The following SUFU variants were observed in gnomAD, a reference collection of about 807,000 sequenced individuals.
SUFU encodes the protein suppressor of fused homolog.
Under a neutral mutation model 58.9 loss-of-function variants are expected in SUFU, and 7 were observed. That is an observed-to-expected ratio of 0.12 (90% CI 0.07 to 0.22). The LOEUF is 0.22. SUFU is among the 10% of genes least tolerant of loss of function. The pLI is 1.00. For synonymous variants in SUFU, 232 were observed against 254.8 expected (o/e 0.91, Z 0.85); for missense variants, 451 against 641.3 (o/e 0.70, Z 3.20).
intron 3 of SUFU, among the ~76,000 whole-genome samples, chr10:102,563,123 C>A (rs1190381098): frequency 6.6e-6 from 1 of 152,078 alleles, no homozygotes; most frequent in Non-Finnish European, 1.5e-5. Context: ...AGCCTCTCAG[C>A]CGCCAAGGGT....
Position 102,543,735 on chromosome 10 carries a change from T to C in SUFU, c.318-6235T>C, listed in dbSNP as rs190540429. Among the ~76,000 whole-genome samples the C allele has an allele frequency of 4.7e-3, 712 of 152,356 alleles. 3 individuals carry two copies. The highest frequency in any genetic ancestry group is 6.1e-3 in the Non-Finnish European group (418 of 68,036). Reference sequence around the variant, plus strand: ...AATATAAATAAAATCATACAACATATGGTCTTTTGTGACTGGCTTTCTTCA... The same window carrying C: ...AATATAAATAAAATCATACAACATACGGTCTTTTGTGACTGGCTTTCTTCA... On this transcript the variant is annotated intron_variant, in intron 2 of 11. Coordinates refer to ENST00000369902, the MANE Select transcript of SUFU (RefSeq NM_016169.4).
At chr10:102,537,129 CTTTTTTTTT>C (rs74317451) in intron 2 of SUFU, among the ~76,000 whole-genome samples, 1 of 119,380 alleles carries the variant, frequency 8.4e-6, no homozygotes, top group African/African-American at 3.1e-5. Flanking sequence ...TTAAATTTAC[CTTTTTTTTT>C]TTTTTTTTTT....
chr10:102,596,457 AG>A (rs1378828069), intron 6 of SUFU, among the ~76,000 whole-genome samples: 1 of 152,172 alleles, frequency 6.6e-6, no homozygotes, highest in African/African-American at 2.4e-5. Flanking sequence ...GCACAAAGGC[AG>A]GGTCTCGATG....
chr10:102,596,085 C>T (rs1001401397), intron 6 of SUFU, among the ~76,000 whole-genome samples: 2 of 152,144 alleles, frequency 1.3e-5, no homozygotes, highest in African/African-American at 2.4e-5. Context: ...ACAGCTTTGC[C>T]CAGGCCAGCA....
chr10:102,530,418 T>G (rs2062663988), intron 2 of SUFU, among the ~76,000 whole-genome samples: 1 of 151,084 alleles, frequency 6.6e-6, no homozygotes. Flanking sequence ...GCATTTAGTT[T>G]CTCTTTACCT....
intron 2 of SUFU, among the ~76,000 whole-genome samples, chr10:102,541,875 AT>A (rs58231037): frequency 0.047 from 4,103 of 86,472 alleles, 154 homozygotes; most frequent in African/African-American, 0.14. Flanking sequence ...TGCCCGGCTA[AT>A]TTTTTTTTTT....
chr10:102,592,473 C>G, intron 3 of SUFU, 109 bp from the exon 4 acceptor site: 1 of 1,289,480 alleles, frequency 7.8e-7, no homozygotes, highest in East Asian at 2.3e-5. Context: ...ACAGGGGCTA[C>G]CCTAAGAGGC....
intron 1 of SUFU, among the ~76,000 whole-genome samples, chr10:102,506,249 G>A (rs1435937970): frequency 2.0e-5 from 3 of 152,044 alleles, no homozygotes; most frequent in African/African-American, 7.2e-5. Flanking sequence ...CCTTCCTGCT[G>A]CAAGCTTGTT....
chr10:102,511,886 A>G (rs2062404538), intron 2 of SUFU, among the ~76,000 whole-genome samples: 1 of 151,958 alleles, frequency 6.6e-6, no homozygotes, highest in Non-Finnish European at 1.5e-5. Flanking sequence ...AATTTTTCAA[A>G]TTTTCTGTAG....
chr10:102,602,659 C>A (rs1347087523), intron 8 of SUFU, among the ~76,000 whole-genome samples: 1 of 152,258 alleles, frequency 6.6e-6, no homozygotes, highest in Non-Finnish European at 1.5e-5. Flanking sequence ...CCCTCTACCA[C>A]CTCAGGGCTA....
intron 3 of SUFU, among the ~76,000 whole-genome samples, chr10:102,571,064 A>C (rs1414435829): frequency 6.6e-6 from 1 of 152,188 alleles, no homozygotes; most frequent in Admixed American, 6.5e-5. Context: ...AGATGCAGAG[A>C]AGTTAAGTGG....
intron 2 of SUFU, among the ~76,000 whole-genome samples, chr10:102,523,639 A>T (rs2062575412): frequency 2.6e-5 from 4 of 152,232 alleles, no homozygotes; most frequent in Non-Finnish European, 5.9e-5. Context: ...GGTTGCAGAC[A>T]TGCTGAATTC....
chr10:102,543,833 C>T (rs534552835), intron 2 of SUFU, among the ~76,000 whole-genome samples: 7 of 152,282 alleles, frequency 4.6e-5, no homozygotes, highest in South Asian at 4.1e-4. Flanking sequence ...AATAACAACT[C>T]TATGAAACAG....
chr10:102,541,212 G>A (rs1031773827), intron 2 of SUFU, among the ~76,000 whole-genome samples: 9 of 152,130 alleles, frequency 5.9e-5, no homozygotes, highest in African/African-American at 1.4e-4. Context: ...AACCAAAAGT[G>A]AGAACTATAC....
At chr10:102,602,232 TC>T (rs2063520685) in intron 8 of SUFU, among the ~76,000 whole-genome samples, 1 of 152,198 alleles carries the variant, frequency 6.6e-6, no homozygotes, top group Non-Finnish European at 1.5e-5. Flanking sequence ...CTAATAAGTA[TC>T]TTTTCCAAGG....
chr10:102,592,780 G>A, intron 4 of SUFU, 56 bp downstream of exon 4: 1 of 1,606,678 alleles, frequency 6.2e-7, no homozygotes, highest in East Asian at 2.2e-5. Context: ...GTCCTGGGAG[G>A]ACAAGGAGGC....
intron 2 of SUFU, among the ~76,000 whole-genome samples, chr10:102,537,793 T>A (rs2062757972): frequency 6.6e-6 from 1 of 152,218 alleles, no homozygotes; most frequent in African/African-American, 2.4e-5. Context: ...GGCTTGTCCA[T>A]CCATCTATTG....
At chr10:102,605,222 T>A (rs990302291) in intron 8 of SUFU, among the ~76,000 whole-genome samples, 3 of 151,312 alleles carry the variant, frequency 2.0e-5, no homozygotes, top group African/African-American at 7.3e-5. Flanking sequence ...CTGCCAAATA[T>A]TGCATTTTTA....
chr10:102,602,367 A>G (rs1229311007), intron 8 of SUFU, among the ~76,000 whole-genome samples: 1 of 152,152 alleles, frequency 6.6e-6, no homozygotes, highest in Non-Finnish European at 1.5e-5. Flanking sequence ...GAAAATAATG[A>G]CCTTTACTGG....
Sources: allele counts gnomAD v4.1 joint callset (sites outside exome capture counted in the v4.1 genomes callset), GRCh38; gene constraint gnomAD v4.1.1; transcripts MANE v1.5; gene names NCBI Gene and HGNC (gene_info 2026-07-23, HGNC 2026-07-21).